The following LAX1 variants were observed in gnomAD, a reference collection of about 807,000 sequenced individuals.
LAX1 encodes lymphocyte transmembrane adapter 1.
A neutral mutation model predicts 20.7 loss-of-function variants in LAX1; 17 were observed. That is an observed-to-expected ratio of 0.82 (90% CI 0.56 to 1.23). The LOEUF is 1.23. Among genes scored for constraint, LAX1 ranks in the 50% most tolerant of loss-of-function variants. The pLI, the probability that LAX1 is intolerant of heterozygous loss-of-function variation, is 0.00. For synonymous variants in LAX1, 165 were observed against 181.0 expected, an observed-to-expected ratio of 0.91 and a Z score of 0.71; for missense variants, 470 against 487.0, an observed-to-expected ratio of 0.97 and a Z score of 0.33.
rs762507351 is a variant in LAX1, at chr1:203,773,953, A to G, written c.469A>G (p.Asn157Asp). ...ATEYAVGIYD[N>D]AMVPQMCGNL... ...AGAGTACGCGGTGGGTATCTATGAC[A>G]ACGCCATGGTCCCCCAGATGTGTGG... is the stretch of plus-strand genomic sequence containing the variant. Residue 157 changes from asparagine (N) to aspartate (D), a missense_variant, in exon 5 of 5, where the codon AAC becomes GAC. By Grantham distance (23) the Asn-to-Asp change is conservative. Coordinates refer to ENST00000442561, the MANE Select transcript of LAX1 (RefSeq NM_017773.4). 6 of 1,613,584 alleles carry G rather than the reference A, an allele frequency of 3.7e-6. No individual in the cohort carries two copies. In the East Asian group the frequency reaches 1.1e-4, roughly 30 times the overall value.
chr1:203,769,454 A>AAAGAAAGAAAG (rs759242546), intron 1 of LAX1, among the ~76,000 whole-genome samples: 2,004 of 106,320 alleles, frequency 0.019, 80 homozygotes, highest in Non-Finnish European at 0.026. Flanking sequence ...GGAAAGAAAG[A>AAAGAAAGAAAG]AAAGAAAAGA....
Position 203,774,602 on chromosome 1 carries a change from A to G in LAX1, c.1118A>G (p.Tyr373Cys), listed in dbSNP as rs749044179. The part of the protein sequence containing the change: ...EEMSNEDSSD[Y>C]ENVLTAKLGG... Reference sequence around the variant, plus strand: ...ATGTCAAATGAGGACTCCAGTGACTATGAAAATGTGCTAACTGCCAAGTTA... The same window carrying G: ...ATGTCAAATGAGGACTCCAGTGACTGTGAAAATGTGCTAACTGCCAAGTTA... The change falls in exon 5 of 5, where the codon TAT becomes TGT. Residue 373 changes from tyrosine (Y) to cysteine (C), a missense_variant. Transcript: ENST00000442561. The G allele has an allele frequency of 6.2e-7, 1 of 1,614,224 alleles. No homozygotes were observed. The highest frequency in any genetic ancestry group is 2.2e-5 in the East Asian group (1 of 44,886).
Position 203,774,133 on chromosome 1 carries a change from T to G in LAX1, c.649T>G (p.Phe217Val). 6.2e-7 allele frequency: 1 copy of G among 1,614,158 alleles called. No homozygotes were observed. The highest frequency in any genetic ancestry group is 1.1e-5 in the South Asian group (1 of 91,078). Residue 217 changes from phenylalanine (F) to valine (V), a missense_variant, in exon 5 of 5, where the codon TTT becomes GTT. By Grantham distance (50) the Phe-to-Val change is conservative. Transcript: ENST00000442561. ...TACCAAAAGCCCTTCCAGAAATCTC[T>G]TTGTTCTTCCCAGTACCCAGAAGCT... ...ASTKSPSRNL[F>V]VLPSTQKLEF... is the part of the protein sequence containing the mutation.
Position 203,774,315 on chromosome 1 carries a change from T to C in LAX1, c.831T>C (p.Ser277=), listed in dbSNP as rs780329374. Residue 277 remains serine, a synonymous_variant, in exon 5 of 5, where the codon AGT becomes AGC. Coordinates refer to ENST00000442561, the MANE Select transcript of LAX1 (RefSeq NM_017773.4). ...DYVNMTGLDL[S]AIQERQLWVA... ...TCAACATGACAGGGTTGGATCTCAG[T>C]GCCATCCAGGAAAGGCAGCTCTGGG... 19 of 1,614,174 alleles carry C rather than the reference T, an allele frequency of 1.2e-5. No individual in the cohort carries two copies. The highest frequency in any genetic ancestry group is 1.6e-5 in the Non-Finnish European group (19 of 1,180,038).
intron 1 of LAX1, chr1:203,769,783 G>GT (rs1667372941): frequency 6.7e-6 from 1 of 149,184 alleles, no homozygotes; most frequent in Non-Finnish European, 1.5e-5. Flanking sequence ...CGGGGGGGGG[G>GT]GCGGCGGGGG....
At chr1:203,770,968 A>G (rs1326955559) in intron 2 of LAX1, 31 bp downstream of exon 2, 2 of 1,490,754 alleles carry the variant, frequency 1.3e-6, no homozygotes, top group East Asian at 2.3e-5. Context: ...GAGTTGAGAC[A>G]CAGTAGGATT....
chr1:203,769,397 A>AAAAGAAAGGAAAGAAAG (rs1553254196), intron 1 of LAX1, among the ~76,000 whole-genome samples: 1 of 76,688 alleles, frequency 1.3e-5, no homozygotes, highest in African/African-American at 5.4e-5. Flanking sequence ...GTCTCAAAAA[A>AAAAGAAAGGAAAGAAAG]AAAGAAAGAA....
At chr1:203,766,620 A>G (rs554971463) in intron 1 of LAX1, among the ~76,000 whole-genome samples, 95 of 152,266 alleles carry the variant, frequency 6.2e-4, no homozygotes, top group African/African-American at 2.1e-3. Context: ...TTCTTCATTT[A>G]TTTTTATTTA....
intron 1 of LAX1, among the ~76,000 whole-genome samples, chr1:203,766,171 G>A (rs999539568): frequency 2.0e-5 from 3 of 152,120 alleles, no homozygotes; most frequent in Non-Finnish European, 4.4e-5. Context: ...ATCCACAGTT[G>A]AAACTTTAAA....
rs111530220 is a variant in LAX1, at chr1:203,771,057, C to T, written c.199+120C>T. ...GGCCTGGGGAGTCCTCAGTTCTTACCCGATACATTGGCCATTGCCTCACTC... is the reference window on the plus strand; with the variant it reads ...GGCCTGGGGAGTCCTCAGTTCTTACTCGATACATTGGCCATTGCCTCACTC... On this transcript the variant is annotated intron_variant, in intron 2 of 4. Coordinates refer to ENST00000442561, the MANE Select transcript of LAX1 (RefSeq NM_017773.4). 3.3e-5 allele frequency: 27 copies of T among 807,252 alleles called. 1 individual carries two copies. Among genetic ancestry groups the T allele is most frequent in the African/African-American group, 3.2e-4 (19 of 58,768 alleles). The allele number at this position is 807,252 out of a possible 1,614,324, so 50.0% of individuals were successfully genotyped here.
rs1667490801 is a variant in LAX1, at chr1:203,775,181, C to T, written c.*500C>T. 1 of 155,816 alleles carries T rather than the reference C, an allele frequency of 6.4e-6. No individual in the cohort carries two copies. Among genetic ancestry groups the T allele is most frequent in the Non-Finnish European group, 1.4e-5 (1 of 70,510 alleles). The allele number at this position is 155,816 out of a possible 1,614,324, so 9.7% of individuals were successfully genotyped here. ...TTGGTAGGCCGAGGAGGGCAGATCA[C>T]TTGGTGCCAGGAGTTCTAGACCAGC... On this transcript the variant is annotated 3_prime_UTR_variant, in exon 5 of 5. Coordinates refer to ENST00000442561, the MANE Select transcript of LAX1 (RefSeq NM_017773.4).
intron 1 of LAX1, among the ~76,000 whole-genome samples, chr1:203,766,195 G>C (rs1207748170): frequency 6.6e-6 from 1 of 152,230 alleles, no homozygotes; most frequent in African/African-American, 2.4e-5. Flanking sequence ...ATTGGCAGCT[G>C]ACTGGGCGCG....
intron 4 of LAX1, among the ~76,000 whole-genome samples, chr1:203,772,838 G>C (rs1042625730): frequency 1.3e-5 from 2 of 151,380 alleles, no homozygotes; most frequent in Non-Finnish European, 2.9e-5. Flanking sequence ...ACCACGCCTG[G>C]CTAACTTTCA....
Position 203,770,955 on chromosome 1 carries a change from C to A in LAX1, c.199+18C>A. 1.3e-6 allele frequency: 2 copies of A among 1,555,840 alleles called. No homozygotes were observed. Among genetic ancestry groups the A allele is most frequent in the Non-Finnish European group, 1.8e-6 (2 of 1,126,656 alleles). On this transcript the variant is annotated intron_variant, in intron 2 of 4. Coordinates refer to ENST00000442561, the MANE Select transcript of LAX1 (RefSeq NM_017773.4). ...GAAGAAGCGTGAGTCCCTTGTTTGT[C>A]CTGAGTTGAGACACAGTAGGATTAT... is the stretch of plus-strand genomic sequence containing the variant.
intron 1 of LAX1, chr1:203,769,799 G>A (rs1667374254): frequency 6.6e-6 from 1 of 152,170 alleles, no homozygotes. Context: ...GGGGGGTGGG[G>A]GGTGTTATTC....
chr1:203,771,303 T>C (rs921676556), intron 2 of LAX1, 64 bp from the exon 3 acceptor site: 2 of 1,005,348 alleles, frequency 2.0e-6, no homozygotes, highest in Non-Finnish European at 3.2e-6. Flanking sequence ...CTCATTCCCA[T>C]GAGTCTCTTC....
chr1:203,769,397 AAAAG>A lies in LAX1; in HGVS notation c.90-1388_90-1385del, dbSNP rs1200921518. Among the ~76,000 whole-genome samples, 272 of 76,758 alleles carry A rather than the reference AAAAG, an allele frequency of 3.5e-3. 3 individuals are homozygous for A. The highest frequency in any genetic ancestry group is 0.014 in the African/African-American group (263 of 18,478). The allele number at this position is 76,758 out of a possible 152,430, so 50.4% of individuals were successfully genotyped here. Reference sequence around the variant, plus strand: ...ACACAGCGAGACTCTGTCTCAAAAAAAAAGAAAGAAAGAAAGAAAGAAAGAAAGA... The same window carrying A: ...ACACAGCGAGACTCTGTCTCAAAAAAAAAGAAAGAAAGAAAGAAAGAAAGA... On this transcript the variant is annotated intron_variant, in intron 1 of 4. Transcript: ENST00000442561.
At position 203,774,743 on chromosome 1, in the gene LAX1, C is replaced by A; in HGVS notation, c.*62C>A. ...GTCTATCCCATAGGATTGACTACTG[C>A]AGAGTCTAGTGCAGACCCGTGATCA... On this transcript the variant is annotated 3_prime_UTR_variant, in exon 5 of 5. Transcript: ENST00000442561. 2 of 1,394,602 alleles carry A rather than the reference C, an allele frequency of 1.4e-6. No individual in the cohort carries two copies. The highest frequency in any genetic ancestry group is 1.9e-5 in the Admixed American group (1 of 52,508). 86.4% of individuals were successfully genotyped at this position (1,394,602 alleles called of 1,614,324 possible). A position where few individuals can be genotyped will look rare whatever the true frequency, so the allele number is the denominator to read the frequency against.
At position 203,765,411 on chromosome 1, in the gene LAX1, G is replaced by T; in HGVS notation, c.-155G>T. ...AGAACCAAACCTGTTGCTTTTGTAT[G>T]TTGGGTCAACTTGGCCTGACGTTTC... On this transcript the variant is annotated 5_prime_UTR_variant, in exon 1 of 5. The change abolishes an upstream ATG in the 5' untranslated region. Transcript: ENST00000442561. 1 of 1,552,154 alleles carries T rather than the reference G, an allele frequency of 6.4e-7. No individual in the cohort carries two copies. Among genetic ancestry groups the T allele is most frequent in the Non-Finnish European group, 8.7e-7 (1 of 1,147,150 alleles).
Sources: allele counts gnomAD v4.1 joint callset (sites outside exome capture counted in the v4.1 genomes callset), GRCh38; gene constraint gnomAD v4.1.1; transcripts MANE v1.5; gene names NCBI Gene and HGNC (gene_info 2026-07-23, HGNC 2026-07-21).